The following FOXC2 variants were observed in gnomAD, a reference collection of about 807,000 sequenced individuals.
FOXC2 encodes forkhead box protein C2.
Under a neutral mutation model 7.2 loss-of-function variants are expected in FOXC2, and 7 were observed. The observed-to-expected ratio is 0.97, with a 90% confidence interval of 0.55 to 1.81. The LOEUF (loss-of-function observed/expected upper bound fraction) is 1.81, where lower values mean the gene tolerates loss of function less well. Ranked by LOEUF, FOXC2 falls within the 40% of genes most tolerant of loss-of-function variation. The probability of loss-of-function intolerance (pLI) is 0.00; values close to 1 mark genes in which losing one functional copy is unlikely to be tolerated. For missense variants in FOXC2, 846 were observed against 741.2 expected (o/e 1.14, Z -1.64); for synonymous variants, 436 against 350.4 (o/e 1.24, Z -2.73).
At position 86,569,064 on chromosome 16, in the gene FOXC2, C is replaced by G; in HGVS notation, c.*223C>G. On this transcript the variant is annotated 3_prime_UTR_variant, in exon 1 of 1. Transcript: ENST00000649859. ...CCCCGTTTCTGGGATCCCAGGAAAC[C>G]CCTCCAAAGGGACGCAGCCCAACAA... The G allele has an allele frequency of 4.8e-6, 3 of 628,144 alleles. No homozygotes were observed. Among genetic ancestry groups the G allele is most frequent in the Non-Finnish European group, 8.6e-6 (3 of 349,158 alleles). 38.9% of individuals were successfully genotyped at this position (628,144 alleles called of 1,614,324 possible). A position where few individuals can be genotyped will look rare whatever the true frequency, so the allele number is the denominator to read the frequency against.
rs963852719 is a variant in FOXC2, at chr16:86,569,586, G to C, written c.*745G>C. 2.5e-5 allele frequency: 4 copies of C among 161,824 alleles called. No individual in the cohort carries two copies. Among genetic ancestry groups the C allele is most frequent in the Non-Finnish European group, 5.9e-5 (4 of 67,618 alleles). The allele number at this position is 161,824 out of a possible 1,614,324, so 10.0% of individuals were successfully genotyped here. A position where few individuals can be genotyped will look rare whatever the true frequency, so the allele number is the denominator to read the frequency against. ...TTTATTTACAAAGTGTGATGGTTTT[G>C]TATAGTAGGTTCCACCCTGAGTATT... is the stretch of plus-strand genomic sequence containing the variant. On this transcript the variant is annotated 3_prime_UTR_variant, in exon 1 of 1. Coordinates refer to ENST00000649859, the MANE Select transcript of FOXC2 (RefSeq NM_005251.3).
In FOXC2 at chr16:86,567,223, C is replaced by T. The variant is rs565552629; in HGVS notation, c.-113C>T. ...CAGGAGCCCGGGGCCGCCCCTCCCG[C>T]TCCCCTCCTCTCCCCCTCTGGCTCT... is the stretch of plus-strand genomic sequence containing the variant. On this transcript the variant is annotated 5_prime_UTR_variant, in exon 1 of 1. Transcript: ENST00000649859. The T allele has an allele frequency of 8.6e-6, 11 of 1,281,128 alleles. No individual in the cohort carries two copies. The African/African-American group carries it at 1.5e-4, about 17-fold the overall frequency. The allele number at this position is 1,281,128 out of a possible 1,614,324, so 79.4% of individuals were successfully genotyped here. A position where few individuals can be genotyped will look rare whatever the true frequency, so the allele number is the denominator to read the frequency against.
chr16:86,569,337 TG>T lies in FOXC2; in HGVS notation c.*497del. The T allele has an allele frequency of 5.7e-6, 1 of 174,496 alleles. No individual in the cohort carries two copies. Among genetic ancestry groups the T allele is most frequent in the Non-Finnish European group, 1.4e-5 (1 of 71,652 alleles). 10.8% of individuals were successfully genotyped at this position (174,496 alleles called of 1,614,324 possible). A position where few individuals can be genotyped will look rare whatever the true frequency, so the allele number is the denominator to read the frequency against. ...CAGGCTATTTTGTTGTTGTTGTTGT[TG>T]TTCAGAGCCATTAATATAATATTTA... is the stretch of plus-strand genomic sequence containing the variant. On this transcript the variant is annotated 3_prime_UTR_variant, in exon 1 of 1. Coordinates refer to ENST00000649859, the MANE Select transcript of FOXC2 (RefSeq NM_005251.3).
rs1377437893 is a variant in FOXC2 at position 86,568,261 on chromosome 16, C to T, written c.926C>T (p.Pro309Leu). 16 of 1,252,194 alleles carry T rather than the reference C, an allele frequency of 1.3e-5. No homozygotes were observed. The highest frequency in any genetic ancestry group is 1.6e-5 in the Non-Finnish European group (16 of 1,000,516). 77.6% of individuals were successfully genotyped at this position (1,252,194 alleles called of 1,614,324 possible). Residue 309 changes from proline to leucine, a missense_variant, in exon 1 of 1, where the codon CCG (proline) becomes CTG (leucine). Transcript: ENST00000649859. The surrounding 1 kb of genome is among the most constrained non-coding windows in gnomAD (Gnocchi z 5.2). ...CTGGCGCTGCCCTACGCCGCCGCGCCGCCCGCCGCCTACGGCCAGCCGTGC... is the reference window on the plus strand; with the variant it reads ...CTGGCGCTGCCCTACGCCGCCGCGCTGCCCGCCGCCTACGGCCAGCCGTGC... ...PPLALPYAAAPPAAYGQPCAQ... is the reference protein window; with the variant it reads ...PPLALPYAAALPAAYGQPCAQ...
Position 86,569,348 on chromosome 16 carries a change from A to G in FOXC2, c.*507A>G, listed in dbSNP as rs1241796935. 5.8e-6 allele frequency: 1 copy of G among 171,608 alleles called. No homozygotes were observed. Among genetic ancestry groups the G allele is most frequent in the Non-Finnish European group, 1.4e-5 (1 of 70,474 alleles). The allele number at this position is 171,608 out of a possible 1,614,324, so 10.6% of individuals were successfully genotyped here. On this transcript the variant is annotated 3_prime_UTR_variant, in exon 1 of 1. Transcript: ENST00000649859. ...GTTGTTGTTGTTGTTGTTCAGAGCC[A>G]TTAATATAATATTTAAAGTTGAGTT...
rs530313870 is a variant in FOXC2 at position 86,567,926 on chromosome 16, C to T, written c.591C>T (p.Thr197=). The change falls in exon 1 of 1, where the codon ACC becomes ACT. Residue 197 remains threonine (T), a synonymous_variant. Coordinates refer to ENST00000649859, the MANE Select transcript of FOXC2 (RefSeq NM_005251.3). ...PPAASKGAPA[T]PHLADAPKEA... ...CGGCGTCCAAGGGCGCCCCGGCCAC[C>T]CCCCACCTAGCGGACGCCCCCAAGG... The T allele has an allele frequency of 6.3e-5, 99 of 1,569,140 alleles. 1 individual carries two copies. In the Middle Eastern group the frequency reaches 9.6e-4, roughly 15 times the overall value.
rs1974242710 is a variant in FOXC2 at position 86,568,859 on chromosome 16, C to T, written c.*18C>T. On this transcript the variant is annotated 3_prime_UTR_variant, in exon 1 of 1. Transcript: ENST00000649859. This position sits in a 1 kb window ranked among gnomAD's most constrained non-coding sequence, Gnocchi z 5.2. ...AATACTGACGTGTCCCGGGACCTCC[C>T]CTCCCCGGCCCGCTCCGGCTTCGCT... The T allele has an allele frequency of 1.9e-6, 3 of 1,612,210 alleles. No individual in the cohort carries two copies. The highest frequency in any genetic ancestry group is 1.3e-5 in the African/African-American group (1 of 75,024).
At position 86,568,242 on chromosome 16, in the gene FOXC2, C is replaced by G; in HGVS notation, c.907C>G (p.Leu303Val). 1 of 1,262,230 alleles carries G rather than the reference C, an allele frequency of 7.9e-7. No individual in the cohort carries two copies. The highest frequency in any genetic ancestry group is 9.9e-7 in the Non-Finnish European group (1 of 1,007,538). The allele number at this position is 1,262,230 out of a possible 1,614,324, so 78.2% of individuals were successfully genotyped here. The change falls in exon 1 of 1, where the codon CTG becomes GTG. Residue 303 changes from leucine (L) to valine (V), a missense_variant. Leu to Val is a conservative substitution (Grantham distance 32). Coordinates refer to ENST00000649859, the MANE Select transcript of FOXC2 (RefSeq NM_005251.3). This position sits in a 1 kb window ranked among gnomAD's most constrained non-coding sequence, Gnocchi z 5.2. The stretch of plus-strand genomic sequence containing the variant: ...GGGCCTGGTGGTGCCGCCGCTGGCG[C>G]TGCCCTACGCCGCCGCGCCGCCCGC... ...RAGLVVPPLA[L>V]PYAAAPPAAY...
In FOXC2 at chr16:86,567,814, G is replaced by C; in HGVS notation, c.479G>C (p.Ser160Thr). 6.2e-7 allele frequency: 1 copy of C among 1,613,896 alleles called. No individual in the cohort carries two copies. Among genetic ancestry groups the C allele is most frequent in the Non-Finnish European group, 8.5e-7 (1 of 1,180,018 alleles). Residue 160 changes from serine (S) to threonine (T), a missense_variant, in exon 1 of 1, where the codon AGC becomes ACC. This residue lies in a region of FOXC2 where 52 missense variants were observed against 103.8 expected (regional missense o/e 0.50). Transcript: ENST00000649859. ...TCCTACAACATGTTCGAGAACGGCA[G>C]CTTCCTGCGGCGCCGGCGGCGCTTC... ...PDSYNMFENG[S>T]FLRRRRRFKK...
chr16:86,567,693 A>G lies in FOXC2; in HGVS notation c.358A>G (p.Ile120Val), dbSNP rs375500879. ...GAACAAGCAGGGCTGGCAGAACAGCATCCGCCACAACCTCTCGCTCAACGA... is the reference window on the plus strand; with the variant it reads ...GAACAAGCAGGGCTGGCAGAACAGCGTCCGCCACAACCTCTCGCTCAACGA... ...RENKQGWQNS[I>V]RHNLSLNECF... The change falls in exon 1 of 1, where the codon ATC becomes GTC. Residue 120 changes from isoleucine (I) to valine (V), a missense_variant. Ile to Val is a conservative substitution (Grantham distance 29). This residue lies in a region of FOXC2 where 52 missense variants were observed against 103.8 expected (regional missense o/e 0.50). Transcript: ENST00000649859. The G allele has an allele frequency of 1.9e-6, 3 of 1,614,170 alleles. No individual in the cohort carries two copies. In the African/African-American group the frequency reaches 4.0e-5, roughly 22 times the overall value.
rs532518931 is a variant in FOXC2, at chr16:86,566,974, G to T, written c.-362G>T. Among the ~76,000 whole-genome samples the T allele has an allele frequency of 1.9e-3, 282 of 151,882 alleles. No individual in the cohort carries two copies. The highest frequency in any genetic ancestry group is 3.0e-3 in the Non-Finnish European group (201 of 67,874). ...TCCTGCGCCCCTCCTCGCGCGGGCCGAGGGTCCACCTGGGTCCCCAGGCCG... is the reference window on the plus strand; with the variant it reads ...TCCTGCGCCCCTCCTCGCGCGGGCCTAGGGTCCACCTGGGTCCCCAGGCCG... On this transcript the variant is annotated 5_prime_UTR_variant, in exon 1 of 1. Transcript: ENST00000649859. This position sits in a 1 kb window ranked among gnomAD's most constrained non-coding sequence, Gnocchi z 4.3.
Position 86,568,576 on chromosome 16 carries a change from C to T in FOXC2, c.1241C>T (p.Pro414Leu), listed in dbSNP as rs1206170618. 18 of 1,588,386 alleles carry T rather than the reference C, an allele frequency of 1.1e-5. No individual in the cohort carries two copies. In the Admixed American group the frequency reaches 3.1e-4, roughly 27 times the overall value. The change falls in exon 1 of 1, where the codon CCC (proline) becomes CTC (leucine). Residue 414 changes from proline to leucine, a missense_variant. This residue lies in a region of FOXC2 where 640 missense variants were observed against 503.2 expected (regional missense o/e 1.27). Coordinates refer to ENST00000649859, the MANE Select transcript of FOXC2 (RefSeq NM_005251.3). This position sits in a 1 kb window ranked among gnomAD's most constrained non-coding sequence, Gnocchi z 5.2. ...PAPQPQPTPQ[P>L]GAAAAQAASW... ...CCCCAGCCCCAGCCGACGCCGCAGCCCGGGGCCGCCGCGGCGCAGGCGGCC... is the reference window on the plus strand; with the variant it reads ...CCCCAGCCCCAGCCGACGCCGCAGCTCGGGGCCGCCGCGGCGCAGGCGGCC...
At position 86,567,614 on chromosome 16, in the gene FOXC2, C is replaced by A; in HGVS notation, c.279C>A (p.Ile93=). 6.2e-7 allele frequency: 1 copy of A among 1,614,164 alleles called. No individual in the cohort carries two copies. The highest frequency in any genetic ancestry group is 8.5e-7 in the Non-Finnish European group (1 of 1,180,024). ...MAIQNAPEKK[I]TLNGIYQFIM... Reference sequence around the variant, plus strand: ...TCCAGAACGCGCCCGAGAAGAAGATCACCTTGAACGGCATCTACCAGTTCA... The same window carrying A: ...TCCAGAACGCGCCCGAGAAGAAGATAACCTTGAACGGCATCTACCAGTTCA... Residue 93 remains isoleucine, a synonymous_variant, in exon 1 of 1, where the codon ATC becomes ATA. Coordinates refer to ENST00000649859, the MANE Select transcript of FOXC2 (RefSeq NM_005251.3).
Position 86,567,481 on chromosome 16 carries a change from G to A in FOXC2, c.146G>A (p.Ser49Asn). 6.2e-7 allele frequency: 1 copy of A among 1,613,664 alleles called. No homozygotes were observed. ...TATTCCGGCCACCCGGAGCAGTACA[G>A]CGCGGGGATGGGCCGCTCCTACGCG... ...GVYSGHPEQY[S>N]AGMGRSYAPY... The change falls in exon 1 of 1, where the codon AGC becomes AAC. Residue 49 changes from serine to asparagine, a missense_variant. Ser to Asn is a conservative substitution (Grantham distance 46). This residue lies in a region of FOXC2 where 154 missense variants were observed against 134.2 expected (regional missense o/e 1.15). Transcript: ENST00000649859.
In FOXC2 at chr16:86,568,457, C is replaced by A; in HGVS notation, c.1122C>A (p.Leu374=). The change falls in exon 1 of 1, where the codon CTC becomes CTA. Residue 374 remains leucine (L), a synonymous_variant. Coordinates refer to ENST00000649859, the MANE Select transcript of FOXC2 (RefSeq NM_005251.3). This position sits in a 1 kb window ranked among gnomAD's most constrained non-coding sequence, Gnocchi z 5.2. ...CGTCGCCCCTGAGCGCTCTCAACCT[C>A]GCCGCCGGCCAGGAGGGCGCGCTCG... ...GPTSPLSALN[L]AAGQEGALAA... 7.4e-7 allele frequency: 1 copy of A among 1,349,084 alleles called. No individual in the cohort carries two copies. Among genetic ancestry groups the A allele is most frequent in the Non-Finnish European group, 9.6e-7 (1 of 1,042,708 alleles). 83.6% of individuals were successfully genotyped at this position (1,349,084 alleles called of 1,614,324 possible).
At position 86,568,911 on chromosome 16, in the gene FOXC2, T is replaced by A. The variant is rs1974244215; in HGVS notation, c.*70T>A. The stretch of plus-strand genomic sequence containing the variant: ...CCCAGCCCCGACCCAACCAGACAAT[T>A]AAGGGGCTGCAGAGACGCAAAAAAG... On this transcript the variant is annotated 3_prime_UTR_variant, in exon 1 of 1. Coordinates refer to ENST00000649859, the MANE Select transcript of FOXC2 (RefSeq NM_005251.3). The surrounding 1 kb of genome is among the most constrained non-coding windows in gnomAD (Gnocchi z 5.2). 2 of 1,591,030 alleles carry A rather than the reference T, an allele frequency of 1.3e-6. No homozygotes were observed. Among genetic ancestry groups the A allele is most frequent in the Admixed American group, 3.5e-5 (2 of 57,480 alleles).
chr16:86,567,787 A>G lies in FOXC2; in HGVS notation c.452A>G (p.Asp151Gly). ...GGCAGTTACTGGACCCTGGACCCGG[A>G]CTCCTACAACATGTTCGAGAACGGC... ...GKGSYWTLDP[D>G]SYNMFENGSF... Residue 151 changes from aspartate (D) to glycine (G), a missense_variant, in exon 1 of 1, where the codon GAC becomes GGC. By Grantham distance (94) the Asp-to-Gly change is moderately conservative (BLOSUM62 -1). Around this residue, in one of 3 missense-constraint regions of FOXC2, gnomAD observed 52 missense variants for 103.8 expected, o/e 0.50. Transcript: ENST00000649859. 1 of 1,613,868 alleles carries G rather than the reference A, an allele frequency of 6.2e-7. No individual in the cohort carries two copies. The highest frequency in any genetic ancestry group is 8.5e-7 in the Non-Finnish European group (1 of 1,179,960).
rs1011641179 is a variant in FOXC2, at chr16:86,569,629, A to G, written c.*788A>G. The G allele has an allele frequency of 1.8e-5, 3 of 166,470 alleles. No individual in the cohort carries two copies. The highest frequency in any genetic ancestry group is 2.9e-5 in the Non-Finnish European group (2 of 68,108). The allele number at this position is 166,470 out of a possible 1,614,324, so 10.3% of individuals were successfully genotyped here. A position where few individuals can be genotyped will look rare whatever the true frequency, so the allele number is the denominator to read the frequency against. The stretch of plus-strand genomic sequence containing the variant: ...TGAGTATTCCTAAAAGAAAAAAAAA[A>G]AAAAAGCTTAAAAACTCTAACTTCA... On this transcript the variant is annotated 3_prime_UTR_variant, in exon 1 of 1. Transcript: ENST00000649859.
In FOXC2 at chr16:86,567,277, C is replaced by T. The variant is rs971969828; in HGVS notation, c.-59C>T. The T allele has an allele frequency of 1.4e-5, 23 of 1,603,414 alleles. No homozygotes were observed. The highest frequency in any genetic ancestry group is 5.0e-5 in the Admixed American group (3 of 59,586). ...GCGCTCTCTCGCTCTCAGGGCCCCC[C>T]TCGCTCCCCCGGCCGCAGTCCGTGC... On this transcript the variant is annotated 5_prime_UTR_variant, in exon 1 of 1. Transcript: ENST00000649859.
Sources: gnomAD v4.1 joint callset for allele counts (sites outside exome capture counted in the v4.1 genomes callset) on GRCh38, gnomAD v4.1.1 for gene constraint, gnomAD v4.1.1 regional missense constraint, Gnocchi (gnomAD v3.1) non-coding constraint, MANE v1.5 for transcripts, NCBI Gene and HGNC (gene_info 2026-07-23, HGNC 2026-07-21) for gene names.